Variants in RASA2 observed in about 807,000 individuals in gnomAD.
RASA2 encodes ras GTPase-activating protein 2.
A neutral mutation model predicts 118.2 loss-of-function variants in RASA2; 155 were observed. That is an observed-to-expected ratio of 1.31 (90% CI 1.15 to 1.50). The LOEUF is 1.50. Among genes scored for constraint, RASA2 ranks in the 40% most tolerant of loss-of-function variants. The probability of loss-of-function intolerance (pLI) is 0.00; values close to 1 mark genes in which losing one functional copy is unlikely to be tolerated. For missense variants in RASA2, 1,016 were observed against 1,009.6 expected (o/e 1.01, Z -0.09); for synonymous variants, 353 against 349.1 (o/e 1.01, Z -0.12).
intron 1 of RASA2, among the ~76,000 whole-genome samples, chr3:141,501,638 A>G (rs767885125): frequency 2.6e-5 from 4 of 152,210 alleles, no homozygotes; most frequent in Non-Finnish European, 4.4e-5. Context: ...AGTACTGTAT[A>G]TGTTTTTATA....
intron 19 of RASA2, among the ~76,000 whole-genome samples, chr3:141,588,936 G>A (rs571793439): frequency 5.9e-5 from 9 of 151,910 alleles, no homozygotes; most frequent in Non-Finnish European, 1.3e-4. Flanking sequence ...CTGCCTCCCG[G>A]ATTCAAGCGA....
intron 1 of RASA2, among the ~76,000 whole-genome samples, chr3:141,490,335 C>CAA (rs3075070): frequency 2.5e-4 from 23 of 93,640 alleles, no homozygotes; most frequent in South Asian, 1.2e-3. Flanking sequence ...CTCCTCCCCT[C>CAA]AAAAAAAAAA....
At chr3:141,604,211 G>A (rs1347988296) in intron 19 of RASA2, among the ~76,000 whole-genome samples, 6 of 152,120 alleles carry the variant, frequency 3.9e-5, no homozygotes, top group Admixed American at 2.0e-4. Context: ...CACATTTATT[G>A]TGATTACCAT....
At position 141,608,830 on chromosome 3, in the gene RASA2, T is replaced by C. The variant is rs948174676; in HGVS notation, c.2225+133T>C. On this transcript the variant is annotated intron_variant, in intron 21 of 23. Transcript: ENST00000286364. ...ACAAGGATGGGACCTTGAAAAATTA[T>C]GCTAAGTGAAAGAAGTCAATCATAA... 5.0e-6 allele frequency: 5 copies of C among 994,172 alleles called. No homozygotes were observed. The East Asian group carries it at 1.0e-4, about 21-fold the overall frequency. 61.6% of individuals were successfully genotyped at this position (994,172 alleles called of 1,614,324 possible).
intron 15 of RASA2, among the ~76,000 whole-genome samples, chr3:141,577,915 A>G (rs2083039302): frequency 6.6e-6 from 1 of 152,168 alleles, no homozygotes; most frequent in Non-Finnish European, 1.5e-5. Flanking sequence ...AATTTTTAAA[A>G]TTCTTTATTT....
chr3:141,609,994 T>G lies in RASA2; in HGVS notation c.2447T>G (p.Ile816Arg). 2 of 1,606,408 alleles carry G rather than the reference T, an allele frequency of 1.2e-6. No homozygotes were observed. The highest frequency in any genetic ancestry group is 2.3e-5 in the East Asian group (1 of 44,346). ...AAGACAATTCAGCAAATAAAAAGCA[T>G]AATTGAGAAGCTGGATGAACCTCAT... ...TFKTIQQIKS[I>R]IEKLDEPHEK... Residue 816 changes from isoleucine (I) to arginine (R), a missense_variant, in exon 23 of 24, where the codon ATA becomes AGA. By Grantham distance (97) the Ile-to-Arg change is moderately conservative (BLOSUM62 -3). Around this residue, in one of 2 missense-constraint regions of RASA2, gnomAD observed 120 missense variants for 173.2 expected, o/e 0.69. Coordinates refer to ENST00000286364, the MANE Select transcript of RASA2 (RefSeq NM_006506.5).
At chr3:141,587,813 A>G (rs1471224463) in intron 19 of RASA2, among the ~76,000 whole-genome samples, 4 of 152,032 alleles carry the variant, frequency 2.6e-5, no homozygotes, top group East Asian at 3.9e-4. Context: ...TCACATCTAT[A>G]TAGTAGAATC....
At chr3:141,587,539 C>G (rs975603638) in intron 19 of RASA2, among the ~76,000 whole-genome samples, 1 of 151,944 alleles carries the variant, frequency 6.6e-6, no homozygotes, top group Non-Finnish European at 1.5e-5. Flanking sequence ...TGGCAAAACC[C>G]CATCTCTACT....
chr3:141,533,854 CAG>C (rs2082291888), intron 4 of RASA2, among the ~76,000 whole-genome samples: 2 of 152,054 alleles, frequency 1.3e-5, no homozygotes. Context: ...TGCAGTGGGT[CAG>C]AGAGAGAGCA....
At chr3:141,562,182 G>A (rs996369592) in intron 9 of RASA2, among the ~76,000 whole-genome samples, 1 of 151,656 alleles carries the variant, frequency 6.6e-6, no homozygotes, top group Admixed American at 6.6e-5. Flanking sequence ...TTGAACTCCT[G>A]ACCTCGTGAT....
chr3:141,513,553 A>G (rs1462463586), intron 2 of RASA2, among the ~76,000 whole-genome samples: 1 of 152,242 alleles, frequency 6.6e-6, no homozygotes, highest in Non-Finnish European at 1.5e-5. Context: ...ATGTTTTCAT[A>G]TCATATTTGA....
chr3:141,580,317 A>C (rs776239894), intron 15 of RASA2, 51 bp from the exon 16 acceptor site: 62 of 1,398,794 alleles, frequency 4.4e-5, no homozygotes, highest in Non-Finnish European at 6.0e-5. Flanking sequence ...TTTTTTATAC[A>C]AACTATTTTC....
At chr3:141,596,638 GA>G (rs992455282) in intron 19 of RASA2, among the ~76,000 whole-genome samples, 8 of 152,132 alleles carry the variant, frequency 5.3e-5, no homozygotes, top group African/African-American at 1.9e-4. Flanking sequence ...GAGGACGATA[GA>G]TATGAACAAA....
At chr3:141,512,340 A>G in intron 2 of RASA2, 60 bp downstream of exon 2, 2 of 1,153,666 alleles carry the variant, frequency 1.7e-6, no homozygotes, top group Admixed American at 2.4e-5. Flanking sequence ...AATATTATGC[A>G]TTTTCCAGAT....
At chr3:141,555,090 C>T (rs567073256) in intron 6 of RASA2, among the ~76,000 whole-genome samples, 36 of 152,072 alleles carry the variant, frequency 2.4e-4, no homozygotes, top group Admixed American at 5.2e-4. Flanking sequence ...GGAGAAACCC[C>T]GTCTCTACTA....
chr3:141,494,268 G>A lies in RASA2; in HGVS notation c.133+7052G>A, dbSNP rs146542037. Reference sequence around the variant, plus strand: ...ACAATGCTAAACTATAGCAATTTAAGCTCTCACCAGCAATGTATGACTGCC... The same window carrying A: ...ACAATGCTAAACTATAGCAATTTAAACTCTCACCAGCAATGTATGACTGCC... On this transcript the variant is annotated intron_variant, in intron 1 of 23. Transcript: ENST00000286364. Among the ~76,000 whole-genome samples, 216 of 152,352 alleles carry A rather than the reference G, an allele frequency of 1.4e-3. 7 individuals are homozygous for A. The East Asian group carries it at 0.024, about 17-fold the overall frequency.
At chr3:141,497,004 T>G (rs929828834) in intron 1 of RASA2, among the ~76,000 whole-genome samples, 2 of 152,116 alleles carry the variant, frequency 1.3e-5, no homozygotes, top group Non-Finnish European at 2.9e-5. Context: ...GATGAATTCA[T>G]GTCCTTTGTA....
chr3:141,593,342 C>T (rs573483216), intron 19 of RASA2, among the ~76,000 whole-genome samples: 9 of 152,168 alleles, frequency 5.9e-5, no homozygotes, highest in African/African-American at 1.9e-4. Context: ...CCACTGCGCC[C>T]GGCCTAAGAT....
intron 3 of RASA2, among the ~76,000 whole-genome samples, chr3:141,527,531 A>G (rs897991416): frequency 6.6e-6 from 1 of 152,090 alleles, no homozygotes; most frequent in Non-Finnish European, 1.5e-5. Flanking sequence ...TTTGAGTATC[A>G]AACTGTTATG....
Sources: gnomAD v4.1 joint callset for allele counts (sites outside exome capture counted in the v4.1 genomes callset) on GRCh38, gnomAD v4.1.1 for gene constraint, gnomAD v4.1.1 regional missense constraint, MANE v1.5 for transcripts, NCBI Gene and HGNC (gene_info 2026-07-23, HGNC 2026-07-21) for gene names.